Variants in PGBD5 observed in about 807,000 individuals in gnomAD.
PGBD5 encodes piggyBac transposable element derived 5, also known as piggyBac transposable element-derived protein 5.
In PGBD5, 14 loss-of-function variants were observed where a neutral mutation model predicts 47.9. The ratio of observed to expected loss-of-function variants is 0.29; its 90% CI spans 0.19 to 0.46. PGBD5 has a LOEUF of 0.46. PGBD5 is among the 20% of genes least tolerant of loss of function. The pLI, the probability that PGBD5 is intolerant of heterozygous loss-of-function variation, is 1.00. For synonymous variants in PGBD5, 316 were observed against 306.3 expected (o/e 1.03, Z -0.33); for missense variants, 635 against 716.0 (o/e 0.89, Z 1.29).
Position 230,385,249 on chromosome 1 carries a change from TGA to T in PGBD5, c.332-27930_332-27929del, listed in dbSNP as rs61228260. 5.1e-4 allele frequency among the ~76,000 whole-genome samples: 77 copies of T among 152,304 alleles called. No homozygotes were observed. The East Asian group carries it at 0.013, about 26-fold the overall frequency. On this transcript the variant is annotated intron_variant, in intron 1 of 6. Transcript: ENST00000391860. ...TGGCTGTGGGGCCTTGACTTTGAAT[TGA>T]GAGACAGATGCTTGGTAATTACAAG...
chr1:230,371,453 A>G (rs1667927649), intron 1 of PGBD5, among the ~76,000 whole-genome samples: 1 of 152,154 alleles, frequency 6.6e-6, no homozygotes, highest in African/African-American at 2.4e-5. Flanking sequence ...ACTAAGAAAC[A>G]CCTATTCTTG....
At chr1:230,388,293 C>A (rs1656697644) in intron 1 of PGBD5, among the ~76,000 whole-genome samples, 1 of 152,186 alleles carries the variant, frequency 6.6e-6, no homozygotes, top group African/African-American at 2.4e-5. Flanking sequence ...AGGACCCTGG[C>A]CTCCTGGAAG....
intron 1 of PGBD5, among the ~76,000 whole-genome samples, chr1:230,420,470 C>T (rs1025048255): frequency 2.0e-5 from 3 of 152,142 alleles, no homozygotes; most frequent in Non-Finnish European, 4.4e-5. Flanking sequence ...CCAAATCTCA[C>T]CTTGAATTGT....
At chr1:230,405,717 C>T (rs1657283584) in intron 1 of PGBD5, among the ~76,000 whole-genome samples, 1 of 152,132 alleles carries the variant, frequency 6.6e-6, no homozygotes, top group Non-Finnish European at 1.5e-5. Flanking sequence ...AGAACCAAGA[C>T]CCTACAGTGA....
intron 1 of PGBD5, among the ~76,000 whole-genome samples, chr1:230,401,167 G>C (rs1657129953): frequency 6.6e-6 from 1 of 152,212 alleles, no homozygotes; most frequent in Non-Finnish European, 1.5e-5. Context: ...ACCATTAGGA[G>C]AGCTGCGTGG....
intron 1 of PGBD5, among the ~76,000 whole-genome samples, chr1:230,417,302 T>C (rs12026674): frequency 0.43 from 64,754 of 151,824 alleles, 14,485 homozygotes; most frequent in Admixed American, 0.55. Flanking sequence ...AGGACCCCGG[T>C]GCTTCTCCAT....
At chr1:230,334,618 G>C (rs1259927835) in intron 4 of PGBD5, among the ~76,000 whole-genome samples, 2 of 152,140 alleles carry the variant, frequency 1.3e-5, no homozygotes, top group African/African-American at 4.8e-5. Flanking sequence ...GGGGACAGTG[G>C]CCCAGACCAA....
At position 230,347,304 on chromosome 1, in the gene PGBD5, G is replaced by A. The variant is rs887838846; in HGVS notation, c.894+3654C>T. Among the ~76,000 whole-genome samples, 3 of 152,052 alleles carry A rather than the reference G, an allele frequency of 2.0e-5. No homozygotes were observed. The East Asian group carries it at 5.8e-4, about 29-fold the overall frequency. On this transcript the variant is annotated intron_variant, in intron 3 of 6. Transcript: ENST00000391860. ...TGGGAGAGTGGGAGGAAGAGGCAGA[G>A]GTATTTATTTTAAGGAACTGGCTCA... is the stretch of plus-strand genomic sequence containing the variant.
chr1:230,369,556 T>C (rs1215325386), intron 1 of PGBD5, among the ~76,000 whole-genome samples: 1 of 152,176 alleles, frequency 6.6e-6, no homozygotes, highest in Non-Finnish European at 1.5e-5. Flanking sequence ...GCAGCCCTGC[T>C]CTGATTGACC....
At chr1:230,354,536 T>C (rs116502845) in intron 2 of PGBD5, among the ~76,000 whole-genome samples, 1,941 of 152,300 alleles carry the variant, frequency 0.013, 38 homozygotes, top group African/African-American at 0.043. Context: ...ATTCAATTTT[T>C]TGATAACATG....
At chr1:230,412,051 T>C (rs557993514) in intron 1 of PGBD5, among the ~76,000 whole-genome samples, 8 of 152,178 alleles carry the variant, frequency 5.3e-5, no homozygotes, top group Middle Eastern at 3.2e-3. Flanking sequence ...TGTGTTCATG[T>C]ATGAGCACCA....
At chr1:230,360,940 C>T (rs140319967) in intron 1 of PGBD5, among the ~76,000 whole-genome samples, 176 of 152,272 alleles carry the variant, frequency 1.2e-3, no homozygotes, top group African/African-American at 3.9e-3. Flanking sequence ...TCATCCCATT[C>T]GGCAATTGAG....
intron 1 of PGBD5, among the ~76,000 whole-genome samples, chr1:230,387,917 G>T (rs560485690): frequency 6.6e-6 from 1 of 152,154 alleles, no homozygotes; most frequent in African/African-American, 2.4e-5. Context: ...GGGAAGTTAC[G>T]TGGAGGGATG....
chr1:230,378,049 G>A (rs1668043074), intron 1 of PGBD5, among the ~76,000 whole-genome samples: 2 of 152,198 alleles, frequency 1.3e-5, no homozygotes, highest in South Asian at 4.1e-4. Flanking sequence ...AGCTCAGCAG[G>A]TGAGCATGTC....
chr1:230,398,956 C>G (rs1426799320), intron 1 of PGBD5, among the ~76,000 whole-genome samples: 1 of 152,034 alleles, frequency 6.6e-6, no homozygotes, highest in Non-Finnish European at 1.5e-5. Context: ...CAGGCTCCGA[C>G]AAGAGGGAAA....
At chr1:230,364,780 G>C (rs549575179) in intron 1 of PGBD5, among the ~76,000 whole-genome samples, 1 of 152,376 alleles carries the variant, frequency 6.6e-6, no homozygotes, top group African/African-American at 2.4e-5. Context: ...CAGCACGTTG[G>C]GAGGCCAAGG....
chr1:230,359,994 C>T (rs1208298488), intron 1 of PGBD5, among the ~76,000 whole-genome samples: 2 of 152,146 alleles, frequency 1.3e-5, no homozygotes, highest in Admixed American at 6.5e-5. Context: ...AAGCTCCACA[C>T]CTACTCCTAA....
chr1:230,417,370 G>C (rs2102753888), intron 1 of PGBD5, among the ~76,000 whole-genome samples: 1 of 152,280 alleles, frequency 6.6e-6, no homozygotes, highest in Non-Finnish European at 1.5e-5. Flanking sequence ...CTCCCTGTGG[G>C]ATCCAGGGTT....
chr1:230,334,610 G>GT (rs1032196026), intron 4 of PGBD5, among the ~76,000 whole-genome samples: 3 of 151,930 alleles, frequency 2.0e-5, no homozygotes, highest in Non-Finnish European at 4.4e-5. Context: ...CAGGGTGGGG[G>GT]GACAGTGGCC....
Sources: allele counts gnomAD v4.1 joint callset (sites outside exome capture counted in the v4.1 genomes callset), GRCh38; gene constraint gnomAD v4.1.1; transcripts MANE v1.5; gene names NCBI Gene and HGNC (gene_info 2026-07-23, HGNC 2026-07-21).